Variants in ARMC9 observed in about 807,000 individuals in gnomAD.
ARMC9 encodes the protein armadillo repeat containing 9.
ARMC9 carries 94 observed loss-of-function variants against 107.0 expected under a neutral mutation model. That is an observed-to-expected ratio of 0.88 (90% confidence interval 0.74 to 1.04). The LOEUF is 1.04. Ranked by LOEUF, ARMC9 falls within the 50% of genes least tolerant of loss-of-function variation. The pLI is 0.00. For synonymous variants in ARMC9, 380 were observed against 396.9 expected (o/e 0.96, Z 0.51); for missense variants, 942 against 1,030.1 (o/e 0.91, Z 1.17).
At chr2:231,206,985 A>T (rs184785168) in intron 2 of ARMC9, among the ~76,000 whole-genome samples, 6 of 152,336 alleles carry the variant, frequency 3.9e-5, no homozygotes, top group Admixed American at 2.0e-4. Flanking sequence ...TGGCGAATAT[A>T]TTCTTTTTTA....
At position 231,232,025 on chromosome 2, in the gene ARMC9, C is replaced by CTT. The variant is rs575702443; in HGVS notation, c.623-3181_623-3180dup. 1.4e-3 allele frequency among the ~76,000 whole-genome samples: 165 copies of CTT among 121,600 alleles called. 2 individuals carry two copies. The highest frequency in any genetic ancestry group is 2.5e-3 in the Admixed American group (26 of 10,488). 79.8% of individuals were successfully genotyped at this position (121,600 alleles called of 152,430 possible). ...ATAATAGCACGAATTTAACACATTC[C>CTT]TTTTTTTTTTTTTTTTTTTGAGACG... On this transcript the variant is annotated intron_variant, in intron 7 of 24. Transcript: ENST00000611582.
At chr2:231,276,897 A>G in intron 15 of ARMC9, 122 bp downstream of exon 15, 3 of 1,337,254 alleles carry the variant, frequency 2.2e-6, no homozygotes, top group African/African-American at 1.5e-5. Context: ...AAACAGAAAA[A>G]GGAGTAGAAA....
At chr2:231,244,898 G>A (rs576227887) in intron 9 of ARMC9, among the ~76,000 whole-genome samples, 12 of 152,340 alleles carry the variant, frequency 7.9e-5, no homozygotes, top group African/African-American at 2.9e-4. Context: ...TCTGCCCCCA[G>A]CCTCACAAGT....
chr2:231,295,869 G>A (rs1293193522), intron 18 of ARMC9: 2 of 190,710 alleles, frequency 1.0e-5, no homozygotes, highest in Non-Finnish European at 2.1e-5. Flanking sequence ...GTGAAATAAC[G>A]GGTATGGCAG....
chr2:231,288,660 G>A (rs1391200649), intron 17 of ARMC9: 2 of 471,056 alleles, frequency 4.2e-6, no homozygotes, highest in African/African-American at 4.0e-5. Flanking sequence ...TCCCTCAAAG[G>A]TCCCCTGAAG....
chr2:231,303,861 G>C (rs1441775143), intron 19 of ARMC9, among the ~76,000 whole-genome samples: 1 of 152,168 alleles, frequency 6.6e-6, no homozygotes, highest in Non-Finnish European at 1.5e-5. Context: ...GCTTGAACCT[G>C]GGAGGTGGAG....
rs561415733 is a variant in ARMC9 at position 231,315,497 on chromosome 2, C to T, written c.1774-16296C>T. On this transcript the variant is annotated intron_variant, in intron 19 of 24. Coordinates refer to ENST00000611582, the MANE Select transcript of ARMC9 (RefSeq NM_001352754.2). ...GAGGTTACAGTGAGCCGAGATTGTG[C>T]CACTGCACTCCAGCCTGGGCAACAG... is the stretch of plus-strand genomic sequence containing the variant. Among the ~76,000 whole-genome samples, 39 of 152,280 alleles carry T rather than the reference C, an allele frequency of 2.6e-4. 1 individual carries two copies. Among genetic ancestry groups the T allele is most frequent in the African/African-American group, 8.9e-4 (37 of 41,542 alleles).
intron 21 of ARMC9, among the ~76,000 whole-genome samples, chr2:231,352,497 A>T (rs1018394299): frequency 1.3e-5 from 2 of 150,824 alleles, no homozygotes; most frequent in African/African-American, 4.9e-5. Context: ...TTATTTATTT[A>T]TTTTTTAGTA....
At chr2:231,215,217 G>T in intron 4 of ARMC9, 1 of 524,922 alleles carries the variant, frequency 1.9e-6, no homozygotes, top group Non-Finnish European at 3.1e-6. Context: ...TGTAATCAAA[G>T]CTATATTCCT....
At chr2:231,273,716 C>T (rs191905056) in intron 14 of ARMC9, among the ~76,000 whole-genome samples, 148 of 152,160 alleles carry the variant, frequency 9.7e-4, no homozygotes, top group African/African-American at 3.3e-3. Context: ...CACCCGGCCC[C>T]GTAGGTTCCT....
intron 21 of ARMC9, among the ~76,000 whole-genome samples, chr2:231,349,887 A>AT (rs1474627009): frequency 2.6e-5 from 4 of 151,972 alleles, no homozygotes; most frequent in Non-Finnish European, 5.9e-5. Context: ...TATGATTGGA[A>AT]TTTTTTTTAC....
At chr2:231,336,048 C>G (rs996549804) in intron 20 of ARMC9, among the ~76,000 whole-genome samples, 1 of 151,978 alleles carries the variant, frequency 6.6e-6, no homozygotes, top group Non-Finnish European at 1.5e-5. Context: ...CACTACATTC[C>G]AGCCTTGGAG....
intron 21 of ARMC9, among the ~76,000 whole-genome samples, chr2:231,354,219 C>T (rs1043530465): frequency 7.0e-6 from 1 of 142,240 alleles, no homozygotes; most frequent in Admixed American, 7.2e-5. Context: ...ATCACTTGAG[C>T]TCAGTTCAAA....
At chr2:231,245,267 A>G (rs2036650973) in intron 9 of ARMC9, among the ~76,000 whole-genome samples, 1 of 152,212 alleles carries the variant, frequency 6.6e-6, no homozygotes, top group Non-Finnish European at 1.5e-5. Flanking sequence ...CAACTTAGTG[A>G]TAAGAAGTAA....
chr2:231,206,195 T>G lies in ARMC9; in HGVS notation c.-41-3T>G, dbSNP rs774676115. On this transcript the variant is annotated splice_polypyrimidine_tract_variant and splice_region_variant and intron_variant, in intron 1 of 24. Coordinates refer to ENST00000611582, the MANE Select transcript of ARMC9 (RefSeq NM_001352754.2). ...GCTGTTGTCTTGTATTTTTGCCTTC[T>G]AGAGATTTTTGCTGTGAGAATTAAT... 6.4e-7 allele frequency: 1 copy of G among 1,570,252 alleles called. No homozygotes were observed. The highest frequency in any genetic ancestry group is 2.2e-5 in the East Asian group (1 of 44,666).
chr2:231,321,607 C>T (rs549321163), intron 19 of ARMC9, among the ~76,000 whole-genome samples: 1 of 152,282 alleles, frequency 6.6e-6, no homozygotes, highest in Admixed American at 6.5e-5. Flanking sequence ...TTCTTCTTAA[C>T]TAGCCCATCT....
At chr2:231,344,606 G>A (rs16827977) in intron 20 of ARMC9, among the ~76,000 whole-genome samples, 16,487 of 152,078 alleles carry the variant, frequency 0.11, 1,760 homozygotes, top group African/African-American at 0.28. Flanking sequence ...AACATACTGC[G>A]CATGTGGAAA....
chr2:231,268,068 A>T (rs2039006689), intron 12 of ARMC9, among the ~76,000 whole-genome samples: 1 of 152,210 alleles, frequency 6.6e-6, no homozygotes, highest in African/African-American at 2.4e-5. Flanking sequence ...AATATCACAG[A>T]CATATTGTTG....
At chr2:231,241,458 C>T (rs2036294829) in intron 9 of ARMC9, among the ~76,000 whole-genome samples, 1 of 152,052 alleles carries the variant, frequency 6.6e-6, no homozygotes, top group Non-Finnish European at 1.5e-5. Context: ...GCCCCATTCA[C>T]AGGCTGCGTG....
Sources: gnomAD v4.1 joint callset for allele counts (sites outside exome capture counted in the v4.1 genomes callset) on GRCh38, gnomAD v4.1.1 for gene constraint, MANE v1.5 for transcripts, NCBI Gene and HGNC (gene_info 2026-07-23, HGNC 2026-07-21) for gene names.